The following EFNA5 variants were observed in gnomAD, a reference collection of about 807,000 sequenced individuals.
The protein encoded by EFNA5 is ephrin-A5.
Under a neutral mutation model 22.9 loss-of-function variants are expected in EFNA5, and 5 were observed. That is an observed-to-expected ratio of 0.22 (90% CI 0.11 to 0.46). The LOEUF is 0.46. Among genes scored for constraint, EFNA5 ranks in the 20% least tolerant of loss-of-function variants. The pLI is 0.99. For missense variants in EFNA5, 237 were observed against 293.3 expected, an observed-to-expected ratio of 0.81 and a Z score of 1.40; for synonymous variants, 113 against 112.2, an observed-to-expected ratio of 1.01 and a Z score of -0.04.
intron 1 of EFNA5, among the ~76,000 whole-genome samples, chr5:107,429,492 A>G (rs1748892625): frequency 6.6e-6 from 1 of 152,136 alleles, no homozygotes; most frequent in African/African-American, 2.4e-5. Flanking sequence ...CTGGATGCTA[A>G]ATATTCATTG....
intron 1 of EFNA5, among the ~76,000 whole-genome samples, chr5:107,470,982 C>A (rs1440161007): frequency 2.0e-5 from 3 of 152,164 alleles, no homozygotes; most frequent in Non-Finnish European, 4.4e-5. Flanking sequence ...ATATCCTTCT[C>A]AGATCTCTCA....
chr5:107,423,671 G>A (rs2112417000), intron 2 of EFNA5, among the ~76,000 whole-genome samples: 1 of 152,230 alleles, frequency 6.6e-6, no homozygotes, highest in Admixed American at 6.5e-5. Context: ...CCAACTTTCT[G>A]TAATTACTTT....
At chr5:107,608,861 T>C (rs1749771197) in intron 1 of EFNA5, among the ~76,000 whole-genome samples, 1 of 152,364 alleles carries the variant, frequency 6.6e-6, no homozygotes, top group East Asian at 1.9e-4. Context: ...TTTCTGTGAA[T>C]GTCCAAATAC....
intron 1 of EFNA5, among the ~76,000 whole-genome samples, chr5:107,559,104 T>C (rs1327318415): frequency 6.6e-6 from 1 of 152,196 alleles, no homozygotes; most frequent in African/African-American, 2.4e-5. Context: ...CGTAAATCAC[T>C]GGGATGGTGA....
At chr5:107,400,865 G>T (rs1281977879) in intron 2 of EFNA5, among the ~76,000 whole-genome samples, 1 of 152,182 alleles carries the variant, frequency 6.6e-6, no homozygotes, top group African/African-American at 2.4e-5. Flanking sequence ...TAGCTAGCTA[G>T]ATGAAAACTT....
intron 1 of EFNA5, among the ~76,000 whole-genome samples, chr5:107,650,764 A>T (rs1475278856): frequency 2.6e-5 from 4 of 152,190 alleles, no homozygotes; most frequent in Admixed American, 2.6e-4. Context: ...CTTCAAAAAT[A>T]GCTCTATACC....
chr5:107,443,368 T>G (rs1416308890), intron 1 of EFNA5, among the ~76,000 whole-genome samples: 2 of 152,226 alleles, frequency 1.3e-5, no homozygotes, highest in Non-Finnish European at 2.9e-5. Context: ...GACTATAAGC[T>G]GCAGTGCCAG....
chr5:107,654,390 G>A (rs558115707), intron 1 of EFNA5, among the ~76,000 whole-genome samples: 1 of 152,106 alleles, frequency 6.6e-6, no homozygotes, highest in East Asian at 1.9e-4. Flanking sequence ...AACCCAAAGT[G>A]ACAGTTGGGA....
intron 1 of EFNA5, among the ~76,000 whole-genome samples, chr5:107,439,051 A>C (rs1422125539): frequency 2.6e-5 from 4 of 152,198 alleles, no homozygotes; most frequent in African/African-American, 9.6e-5. Flanking sequence ...GCAGTGTTAC[A>C]GACTGAATGT....
chr5:107,528,651 A>G (rs1747748337), intron 1 of EFNA5, among the ~76,000 whole-genome samples: 1 of 152,220 alleles, frequency 6.6e-6, no homozygotes, highest in Non-Finnish European at 1.5e-5. Flanking sequence ...TTTCACAGCT[A>G]GAATGGTCTT....
chr5:107,536,268 T>C (rs988422329), intron 1 of EFNA5, among the ~76,000 whole-genome samples: 49 of 152,212 alleles, frequency 3.2e-4, no homozygotes, highest in African/African-American at 1.2e-3. Flanking sequence ...TTTCATACCA[T>C]TCACCTGTAG....
chr5:107,583,713 A>C (rs1421895440), intron 1 of EFNA5, among the ~76,000 whole-genome samples: 2 of 152,256 alleles, frequency 1.3e-5, no homozygotes, highest in Admixed American at 1.3e-4. Context: ...TTTATACCTC[A>C]GTAGACAGAC....
chr5:107,456,777 C>T (rs903115443), intron 1 of EFNA5, among the ~76,000 whole-genome samples: 1 of 152,080 alleles, frequency 6.6e-6, no homozygotes, highest in African/African-American at 2.4e-5. Flanking sequence ...AGCTTGCCCC[C>T]TTGTTCAATA....
At chr5:107,473,819 C>T (rs754620775) in intron 1 of EFNA5, among the ~76,000 whole-genome samples, 3 of 152,044 alleles carry the variant, frequency 2.0e-5, no homozygotes, top group Admixed American at 6.6e-5. Context: ...TGCCACCACG[C>T]CCAGCGAATT....
intron 1 of EFNA5, among the ~76,000 whole-genome samples, chr5:107,492,456 C>A (rs999249909): frequency 1.1e-4 from 16 of 152,114 alleles, no homozygotes; most frequent in African/African-American, 3.9e-4. Context: ...TAAAGGAAAG[C>A]ATGTTATTTT....
chr5:107,585,753 T>C (rs960205913), intron 1 of EFNA5, among the ~76,000 whole-genome samples: 2 of 152,184 alleles, frequency 1.3e-5, no homozygotes, highest in Non-Finnish European at 2.9e-5. Flanking sequence ...TCTCTTTCCA[T>C]GAGAGAAGTT....
chr5:107,548,692 T>C (rs1179957224), intron 1 of EFNA5, among the ~76,000 whole-genome samples: 1 of 152,198 alleles, frequency 6.6e-6, no homozygotes, highest in Non-Finnish European at 1.5e-5. Flanking sequence ...GAGTATCTGT[T>C]GTATCAGTCC....
chr5:107,484,319 CCCA>C (rs1746517107), intron 1 of EFNA5, among the ~76,000 whole-genome samples: 1 of 152,152 alleles, frequency 6.6e-6, no homozygotes, highest in South Asian at 2.1e-4. Flanking sequence ...AGCCGCTGTT[CCCA>C]CTACTAATAG....
intron 1 of EFNA5, among the ~76,000 whole-genome samples, chr5:107,498,217 A>G (rs1455349290): frequency 6.6e-6 from 1 of 152,232 alleles, no homozygotes; most frequent in Non-Finnish European, 1.5e-5. Flanking sequence ...AGCCCGGCCT[A>G]CAATTTATCT....
Sources: gnomAD v4.1 joint callset for allele counts (sites outside exome capture counted in the v4.1 genomes callset) on GRCh38, gnomAD v4.1.1 for gene constraint, MANE v1.5 for transcripts, NCBI Gene and HGNC (gene_info 2026-07-23, HGNC 2026-07-21) for gene names.